LRP1B: variants seen among roughly 807,000 people sequenced by gnomAD.
The protein encoded by LRP1B is LDL receptor related protein 1B.
In LRP1B, 217 loss-of-function variants were observed where a neutral mutation model predicts 556.6. That is an observed-to-expected ratio of 0.39 (90% CI 0.35 to 0.44). The LOEUF is 0.44. LRP1B is among the 20% of genes least tolerant of loss of function. The pLI is 1.00. For synonymous variants in LRP1B, 2,047 were observed against 1,865.8 expected, an observed-to-expected ratio of 1.10 and a Z score of -2.50; for missense variants, 5,053 against 5,620.8, an observed-to-expected ratio of 0.90 and a Z score of 3.23.
chr2:141,772,345 C>T (rs1218351514), intron 2 of LRP1B, among the ~76,000 whole-genome samples: 1 of 152,126 alleles, frequency 6.6e-6, no homozygotes, highest in Non-Finnish European at 1.5e-5. Flanking sequence ...TCCACCAAAA[C>T]AAATATACTT....
chr2:141,527,202 C>T (rs776293200), intron 2 of LRP1B, among the ~76,000 whole-genome samples: 1 of 152,040 alleles, frequency 6.6e-6, no homozygotes, highest in Admixed American at 6.6e-5. Context: ...ATGCTTCCTT[C>T]ACCACCTATG....
intron 3 of LRP1B, among the ~76,000 whole-genome samples, chr2:141,461,035 G>GA (rs113023717): frequency 0.14 from 20,630 of 145,122 alleles, 2,565 homozygotes; most frequent in African/African-American, 0.34. Context: ...AGCTAGACTG[G>GA]AAAAAAAAAA....
At position 141,396,225 on chromosome 2, in the gene LRP1B, C is replaced by T. The variant is rs569793342; in HGVS notation, c.343+84171G>A. Among the ~76,000 whole-genome samples, 3 of 152,202 alleles carry T rather than the reference C, an allele frequency of 2.0e-5. No individual in the cohort carries two copies. The South Asian group carries it at 6.2e-4, about 32-fold the overall frequency. Reference sequence around the variant, plus strand: ...GTTAGGGCCAATGAAAAACAAAACACATACAAGCAGATTCACAAAATTTAT... The same window carrying T: ...GTTAGGGCCAATGAAAAACAAAACATATACAAGCAGATTCACAAAATTTAT... On this transcript the variant is annotated intron_variant, in intron 3 of 90. Coordinates refer to ENST00000389484, the MANE Select transcript of LRP1B (RefSeq NM_018557.3).
chr2:141,309,858 A>G (rs527547051), intron 3 of LRP1B, among the ~76,000 whole-genome samples: 29 of 152,234 alleles, frequency 1.9e-4, no homozygotes, highest in Non-Finnish European at 4.0e-4. Flanking sequence ...AAGAAATTCA[A>G]AAAAGACATC....
In LRP1B at chr2:140,364,351, A is replaced by G. The variant is rs1411831643; in HGVS notation, c.11131+310T>C. On this transcript the variant is annotated intron_variant, in intron 72 of 90. Coordinates refer to ENST00000389484, the MANE Select transcript of LRP1B (RefSeq NM_018557.3). ...TAAACTCCAATTTGATGTGAAGCCA[A>G]AATTATTATATGAATCTTATTCAAT... Among the ~76,000 whole-genome samples, 5 of 151,730 alleles carry G rather than the reference A, an allele frequency of 3.3e-5. No homozygotes were observed. In the East Asian group the frequency reaches 9.7e-4, roughly 30 times the overall value.
intron 71 of LRP1B, among the ~76,000 whole-genome samples, chr2:140,368,089 G>A (rs1682842344): frequency 6.6e-6 from 1 of 151,708 alleles, no homozygotes; most frequent in African/African-American, 2.4e-5. Context: ...AATGCATCAT[G>A]GGGCTACTGT....
chr2:140,993,900 A>G, intron 16 of LRP1B, 95 bp downstream of exon 16: 1 of 1,264,618 alleles, frequency 7.9e-7, no homozygotes, highest in Non-Finnish European at 1.1e-6. Context: ...ATCTGCATCA[A>G]AGGTATTTTC....
chr2:141,320,829 A>T (rs970090449), intron 3 of LRP1B, among the ~76,000 whole-genome samples: 1 of 152,104 alleles, frequency 6.6e-6, no homozygotes, highest in African/African-American at 2.4e-5. Context: ...ATTGTGTATT[A>T]TTAAATGATT....
intron 3 of LRP1B, among the ~76,000 whole-genome samples, chr2:141,282,513 G>C (rs142394562): frequency 4.0e-5 from 6 of 148,584 alleles, no homozygotes; most frequent in East Asian, 2.0e-4. Context: ...ATATGTATAT[G>C]TATATCTATA....
chr2:141,079,922 A>G (rs952597331), intron 7 of LRP1B, among the ~76,000 whole-genome samples: 12 of 152,254 alleles, frequency 7.9e-5, no homozygotes, highest in East Asian at 7.7e-4. Flanking sequence ...AATCCTAGAT[A>G]TAAATCATGT....
intron 1 of LRP1B, among the ~76,000 whole-genome samples, chr2:141,930,446 C>G (rs1287974723): frequency 6.6e-6 from 1 of 151,970 alleles, no homozygotes; most frequent in East Asian, 1.9e-4. Flanking sequence ...GTGAGTTACT[C>G]CTTGGGGACT....
chr2:141,145,796 G>A (rs1199377401), intron 7 of LRP1B, among the ~76,000 whole-genome samples: 1 of 151,872 alleles, frequency 6.6e-6, no homozygotes, highest in East Asian at 1.9e-4. Flanking sequence ...GCCTCCCAAA[G>A]TGCTGGGACT....
At chr2:140,768,499 T>G (rs192295934) in intron 35 of LRP1B, among the ~76,000 whole-genome samples, 1 of 152,042 alleles carries the variant, frequency 6.6e-6, no homozygotes, top group African/African-American at 2.4e-5. Context: ...TTGAAGATAA[T>G]AAATCTAAAT....
chr2:140,475,376 C>A, intron 59 of LRP1B, 39 bp from the exon 60 acceptor site: 1 of 1,462,726 alleles, frequency 6.8e-7, no homozygotes, highest in Non-Finnish European at 9.4e-7. Context: ...TTTACAGATT[C>A]TCTGGGAGCA....
At chr2:141,841,239 G>A (rs1697462465) in intron 1 of LRP1B, among the ~76,000 whole-genome samples, 1 of 152,142 alleles carries the variant, frequency 6.6e-6, no homozygotes, top group Non-Finnish European at 1.5e-5. Context: ...GTGAGCATAT[G>A]TAAATTATCA....
At chr2:141,411,599 A>G (rs12987054) in intron 3 of LRP1B, among the ~76,000 whole-genome samples, 4,535 of 152,162 alleles carry the variant, frequency 0.03, 128 homozygotes, top group African/African-American at 0.072. Context: ...TTAAACATTT[A>G]CAGATGTTCT....
chr2:141,041,338 T>C (rs1442013780), intron 11 of LRP1B, among the ~76,000 whole-genome samples: 1 of 152,086 alleles, frequency 6.6e-6, no homozygotes, highest in African/African-American at 2.4e-5. Context: ...TGAAGGTCAA[T>C]ATCCAGGACT....
At chr2:140,247,509 A>T (rs1037451666) in intron 86 of LRP1B, among the ~76,000 whole-genome samples, 19 of 151,690 alleles carry the variant, frequency 1.3e-4, no homozygotes, top group African/African-American at 3.9e-4. Context: ...ACAAAAATTG[A>T]GTTTGCATAT....
intron 19 of LRP1B, among the ~76,000 whole-genome samples, chr2:140,950,992 T>C (rs1695698434): frequency 6.6e-6 from 1 of 152,190 alleles, no homozygotes; most frequent in Non-Finnish European, 1.5e-5. Context: ...GCTTAATTTC[T>C]GTTCCACACA....
Sources: allele counts gnomAD v4.1 joint callset (sites outside exome capture counted in the v4.1 genomes callset), GRCh38; gene constraint gnomAD v4.1.1; transcripts MANE v1.5; gene names NCBI Gene and HGNC (gene_info 2026-07-23, HGNC 2026-07-21).